DBNL: variants seen among roughly 807,000 people sequenced by gnomAD.
The protein encoded by DBNL is drebrin like.
DBNL carries 35 observed loss-of-function variants against 62.2 expected under a neutral mutation model. That is an observed-to-expected ratio of 0.56 (90% CI 0.43 to 0.75). DBNL has a LOEUF of 0.75. Ranked by LOEUF, DBNL falls within the 30% of genes least tolerant of loss-of-function variation. The pLI is 0.00. For missense variants in DBNL, 495 were observed against 578.4 expected (o/e 0.86, Z 1.48); for synonymous variants, 197 against 218.0 (o/e 0.90, Z 0.85).
chr7:44,047,606 G>A (rs1378989609), intron 1 of DBNL, among the ~76,000 whole-genome samples: 1 of 152,162 alleles, frequency 6.6e-6, no homozygotes, highest in African/African-American at 2.4e-5. Context: ...ACCTTTTAGG[G>A]ATTGTTCATA....
At chr7:44,051,145 A>C (rs953075009) in intron 2 of DBNL, 3 of 152,392 alleles carry the variant, frequency 2.0e-5, no homozygotes, top group African/African-American at 7.2e-5. Flanking sequence ...AGTGGGGCTC[A>C]TGACTGCCTC....
chr7:44,047,571 T>C lies in DBNL; in HGVS notation c.84-2654T>C, dbSNP rs150163361. On this transcript the variant is annotated intron_variant, in intron 1 of 12. Coordinates refer to ENST00000448521, the MANE Select transcript of DBNL (RefSeq NM_001014436.3). ...TGTTAGGTGTGTGTTTTTTCTTCCG[T>C]TAGAAAGTAAGTTCCATGGGCAGGA... 1.4e-3 allele frequency among the ~76,000 whole-genome samples: 213 copies of C among 152,336 alleles called. 1 individual carries two copies. The highest frequency in any genetic ancestry group is 4.6e-3 in the African/African-American group (191 of 41,576).
chr7:44,066,457 C>A lies in DBNL; in HGVS notation c.*5541C>A, dbSNP rs1044985342. ...ACCAAGGCAGGGAAGAGACTATGAGCAATAAAGTCACAATTGGGGCCCTAA... is the reference window on the plus strand; with the variant it reads ...ACCAAGGCAGGGAAGAGACTATGAGAAATAAAGTCACAATTGGGGCCCTAA... On this transcript the variant is annotated 3_prime_UTR_variant, in exon 13 of 13. Transcript: ENST00000448521. 2 of 152,282 alleles carry A rather than the reference C, an allele frequency of 1.3e-5. No homozygotes were observed. The highest frequency in any genetic ancestry group is 4.8e-5 in the African/African-American group (2 of 41,468). The allele number at this position is 152,282 out of a possible 1,614,324, so 9.4% of individuals were successfully genotyped here.
In DBNL at chr7:44,065,165, G is replaced by A. The variant is rs147273213; in HGVS notation, c.*4249G>A. On this transcript the variant is annotated 3_prime_UTR_variant, in exon 13 of 13. Coordinates refer to ENST00000448521, the MANE Select transcript of DBNL (RefSeq NM_001014436.3). ...GTGCTTCTCGTCCATCGGGGGCGGC[G>A]GGATGTCGAAGGAGCGCCTCCAGAT... 2.9e-5 allele frequency: 46 copies of A among 1,613,950 alleles called. No individual in the cohort carries two copies. Among genetic ancestry groups the A allele is most frequent in the Admixed American group, 1.3e-4 (8 of 60,022 alleles).
Position 44,064,498 on chromosome 7 carries a change from G to T in DBNL, c.*3582G>T. On this transcript the variant is annotated 3_prime_UTR_variant, in exon 13 of 13. Transcript: ENST00000448521. ...GAGGTGGCTTGTCCAGGGCCCCACA[G>T]TAAGTTGGGATTTGGAGCCAGATGC... 16 of 385,000 alleles carry T rather than the reference G, an allele frequency of 4.2e-5. No individual in the cohort carries two copies. The highest frequency in any genetic ancestry group is 3.6e-4 in the South Asian group (16 of 44,106). The allele number at this position is 385,000 out of a possible 1,614,324, so 23.8% of individuals were successfully genotyped here. A position where few individuals can be genotyped will look rare whatever the true frequency, so the allele number is the denominator to read the frequency against.
Position 44,066,246 on chromosome 7 carries a change from C to T in DBNL, c.*5330C>T, listed in dbSNP as rs899458927. 3 of 155,114 alleles carry T rather than the reference C, an allele frequency of 1.9e-5. No homozygotes were observed. Among genetic ancestry groups the T allele is most frequent in the Non-Finnish European group, 4.3e-5 (3 of 69,944 alleles). 9.6% of individuals were successfully genotyped at this position (155,114 alleles called of 1,614,324 possible). A position where few individuals can be genotyped will look rare whatever the true frequency, so the allele number is the denominator to read the frequency against. On this transcript the variant is annotated 3_prime_UTR_variant, in exon 13 of 13. Coordinates refer to ENST00000448521, the MANE Select transcript of DBNL (RefSeq NM_001014436.3). ...CCCTCACCCAAGCCACGCTCACTCT[C>T]CTAGCCGAAACCACCTTGAAAAAGA...
Position 44,062,927 on chromosome 7 carries a change from ATCCCTATG to A in DBNL, c.*2012_*2019del. On this transcript the variant is annotated 3_prime_UTR_variant, in exon 13 of 13. Transcript: ENST00000448521. ...CAGCTCCATGATCGCCTGGTCTGAC[ATCCCTATG>A]CCGGAAGGAATAGGTGTCCTTAGCC... The A allele has an allele frequency of 6.2e-7, 1 of 1,614,140 alleles. No individual in the cohort carries two copies. Among genetic ancestry groups the A allele is most frequent in the Non-Finnish European group, 8.5e-7 (1 of 1,180,016 alleles).
chr7:44,053,825 C>T (rs192551582), intron 4 of DBNL, among the ~76,000 whole-genome samples: 10,489 of 151,990 alleles, frequency 0.069, 482 homozygotes, highest in Middle Eastern at 0.099. Flanking sequence ...TGCAGGCACC[C>T]GCCACCACGC....
chr7:44,069,090 T>G lies in DBNL; in HGVS notation c.*8174T>G, dbSNP rs1238182033. 2 of 152,138 alleles carry G rather than the reference T, an allele frequency of 1.3e-5. No homozygotes were observed. The highest frequency in any genetic ancestry group is 1.5e-5 in the Non-Finnish European group (1 of 68,018). The allele number at this position is 152,138 out of a possible 1,614,324, so 9.4% of individuals were successfully genotyped here. On this transcript the variant is annotated 3_prime_UTR_variant, in exon 13 of 13. Coordinates refer to ENST00000448521, the MANE Select transcript of DBNL (RefSeq NM_001014436.3). ...AGAATGAAATAAAGACATTCTCAAA[T>G]GAAGGCAAGCTGAGGAAATTCATAA...
rs759327284 is a variant in DBNL, at chr7:44,051,735, T to C, written c.140-95T>C. The C allele has an allele frequency of 9.7e-6, 11 of 1,134,406 alleles. No individual in the cohort carries two copies. In the African/African-American group the frequency reaches 1.4e-4, roughly 14 times the overall value. 70.3% of individuals were successfully genotyped at this position (1,134,406 alleles called of 1,614,324 possible). ...TGATACAGGTAGAGGTGAGAAGCCC[T>C]GGTTTAGAAGCAGCTCGGCCTCCCT... is the stretch of plus-strand genomic sequence containing the variant. On this transcript the variant is annotated intron_variant, in intron 2 of 12. Coordinates refer to ENST00000448521, the MANE Select transcript of DBNL (RefSeq NM_001014436.3).
chr7:44,060,023 TA>T lies in DBNL; in HGVS notation c.1048-23del. On this transcript the variant is annotated intron_variant, in intron 11 of 12. Coordinates refer to ENST00000448521, the MANE Select transcript of DBNL (RefSeq NM_001014436.3). This position sits in a 1 kb window ranked among gnomAD's most constrained non-coding sequence, Gnocchi z 6.3. ...TTGTGTGTAAGGGCTGAGTCTGGGG[TA>T]ACACCTTTGTCATCCCTGGGCAGGT... 1.9e-6 allele frequency: 3 copies of T among 1,606,902 alleles called. No homozygotes were observed. The highest frequency in any genetic ancestry group is 2.6e-6 in the Non-Finnish European group (3 of 1,175,002).
chr7:44,061,818 C>T lies in DBNL; in HGVS notation c.*902C>T, dbSNP rs1429958922. The T allele has an allele frequency of 1.3e-5, 2 of 152,410 alleles. No individual in the cohort carries two copies. Among genetic ancestry groups the T allele is most frequent in the Non-Finnish European group, 2.9e-5 (2 of 68,198 alleles). 9.4% of individuals were successfully genotyped at this position (152,410 alleles called of 1,614,324 possible). Reference sequence around the variant, plus strand: ...ACCCCACCACCTGCCCAGTGTCTGCCTCTGCTCCGTGTCTGGGGTGAGCAC... The same window carrying T: ...ACCCCACCACCTGCCCAGTGTCTGCTTCTGCTCCGTGTCTGGGGTGAGCAC... On this transcript the variant is annotated 3_prime_UTR_variant, in exon 13 of 13. Coordinates refer to ENST00000448521, the MANE Select transcript of DBNL (RefSeq NM_001014436.3).
rs752049985 is a variant in DBNL at position 44,060,121 on chromosome 7, T to C, written c.1121T>C (p.Leu374Pro). ...IQGQGLSGQG[L>P]CARALYDYQA... is the part of the protein sequence containing the mutation. ...GGCCAGGGGCTCAGTGGGCAAGGGC[T>C]CTGTGCCCGTGCCCTGTACGACTAC... Residue 374 changes from leucine to proline, a missense_variant, in exon 12 of 13, where the codon CTC (leucine) becomes CCC (proline). Physicochemically the swap from Leu to Pro is moderately conservative, Grantham distance 98. Transcript: ENST00000448521. This position sits in a 1 kb window ranked among gnomAD's most constrained non-coding sequence, Gnocchi z 6.3. 1 of 1,613,384 alleles carries C rather than the reference T, an allele frequency of 6.2e-7. No homozygotes were observed. Among genetic ancestry groups the C allele is most frequent in the Non-Finnish European group, 8.5e-7 (1 of 1,179,750 alleles).
Position 44,062,892 on chromosome 7 carries a change from T to A in DBNL, c.*1976T>A, listed in dbSNP as rs753686991. 1.2e-6 allele frequency: 2 copies of A among 1,614,162 alleles called. No individual in the cohort carries two copies. Among genetic ancestry groups the A allele is most frequent in the Non-Finnish European group, 1.7e-6 (2 of 1,180,026 alleles). ...AGCTCATACACAATGGGGATCCCCG[T>A]GGGCAGGTTCAGCTCCATGATCGCC... On this transcript the variant is annotated 3_prime_UTR_variant, in exon 13 of 13. Coordinates refer to ENST00000448521, the MANE Select transcript of DBNL (RefSeq NM_001014436.3).
rs2096160617 is a variant in DBNL at position 44,066,655 on chromosome 7, C to T, written c.*5739C>T. The T allele has an allele frequency of 6.6e-6, 1 of 152,406 alleles. No homozygotes were observed. Among genetic ancestry groups the T allele is most frequent in the Non-Finnish European group, 1.5e-5 (1 of 68,106 alleles). The allele number at this position is 152,406 out of a possible 1,614,324, so 9.4% of individuals were successfully genotyped here. A position where few individuals can be genotyped will look rare whatever the true frequency, so the allele number is the denominator to read the frequency against. On this transcript the variant is annotated 3_prime_UTR_variant, in exon 13 of 13. Coordinates refer to ENST00000448521, the MANE Select transcript of DBNL (RefSeq NM_001014436.3). ...ACTTGGATCTGAGTGTGCAAGAAAC[C>T]CTCGACAGGCCTCCCTCCATCCCTG...
Position 44,065,273 on chromosome 7 carries a change from C to T in DBNL, c.*4357C>T, listed in dbSNP as rs766643060. 6.6e-5 allele frequency: 107 copies of T among 1,613,540 alleles called. No individual in the cohort carries two copies. In the Admixed American group the frequency reaches 9.2e-4, roughly 14 times the overall value. On this transcript the variant is annotated 3_prime_UTR_variant, in exon 13 of 13. Transcript: ENST00000448521. ...GCCCCCGTAATGCCGCTCATTGAGG[C>T]GCCAAGTGCGCACCACAGGCAGCCA...
chr7:44,057,047 T>C (rs988882380), intron 5 of DBNL, 144 bp downstream of exon 5: 8 of 1,256,854 alleles, frequency 6.4e-6, no homozygotes, highest in Admixed American at 2.3e-5. Flanking sequence ...GCTGTGGTGA[T>C]TGCCCACTGA....
At chr7:44,058,071 C>T (rs904655660) in intron 6 of DBNL, 58 bp from the exon 7 acceptor site, 11 of 1,541,978 alleles carry the variant, frequency 7.1e-6, no homozygotes, top group Non-Finnish European at 7.0e-6. Context: ...CAGTCCTGGG[C>T]AGGGGATTAG....
intron 3 of DBNL, 71 bp downstream of exon 3, chr7:44,052,013 C>A: frequency 1.4e-6 from 2 of 1,398,646 alleles, no homozygotes; most frequent in Non-Finnish European, 2.0e-6. Context: ...TTTGACTTGA[C>A]TTCAGGAACA....
Sources: allele counts gnomAD v4.1 joint callset (sites outside exome capture counted in the v4.1 genomes callset), GRCh38; gene constraint gnomAD v4.1.1; non-coding constraint Gnocchi (gnomAD v3.1); transcripts MANE v1.5; gene names NCBI Gene and HGNC (gene_info 2026-07-23, HGNC 2026-07-21).